CNTNAP2: variants seen among roughly 807,000 people sequenced by gnomAD.
CNTNAP2 encodes the protein contactin associated protein 2, also known as contactin-associated protein-like 2.
A neutral mutation model predicts 155.2 loss-of-function variants in CNTNAP2; 98 were observed. That is an observed-to-expected ratio of 0.63 (90% CI 0.54 to 0.75). The LOEUF is 0.75. Among genes scored for constraint, CNTNAP2 ranks in the 30% least tolerant of loss-of-function variants. The probability of loss-of-function intolerance (pLI) is 0.00; values close to 1 mark genes in which losing one functional copy is unlikely to be tolerated. For synonymous variants in CNTNAP2, 651 were observed against 631.2 expected (o/e 1.03, Z -0.47); for missense variants, 1,727 against 1,688.1 (o/e 1.02, Z -0.40).
chr7:146,638,798 C>T (rs891212164), intron 1 of CNTNAP2, among the ~76,000 whole-genome samples: 6 of 151,880 alleles, frequency 4.0e-5, no homozygotes, highest in Admixed American at 3.3e-4. Context: ...TGTTTCTTAA[C>T]GATGGGAATG....
intron 4 of CNTNAP2, among the ~76,000 whole-genome samples, chr7:147,106,215 A>G (rs1433721461): frequency 7.9e-5 from 12 of 152,142 alleles, no homozygotes; most frequent in Non-Finnish European, 1.8e-4. Flanking sequence ...ACTGATAGGA[A>G]ATTGACTGCA....
At chr7:148,326,723 G>T (rs1200683399) in intron 21 of CNTNAP2, among the ~76,000 whole-genome samples, 1 of 152,038 alleles carries the variant, frequency 6.6e-6, no homozygotes, top group East Asian at 1.9e-4. Flanking sequence ...AAATTAGCCG[G>T]GCATGGTGGT....
chr7:147,881,307 G>A (rs111434640), intron 13 of CNTNAP2, among the ~76,000 whole-genome samples: 2,814 of 152,280 alleles, frequency 0.018, 78 homozygotes, highest in African/African-American at 0.061. Flanking sequence ...GAGTTCACAG[G>A]AGGGAGAGAG....
At chr7:147,427,136 C>T (rs1003136421) in intron 10 of CNTNAP2, among the ~76,000 whole-genome samples, 1 of 152,066 alleles carries the variant, frequency 6.6e-6, no homozygotes, top group Non-Finnish European at 1.5e-5. Context: ...ATGCAGTCTC[C>T]TCACATGGTG....
At position 146,998,350 on chromosome 7, in the gene CNTNAP2, CT is replaced by C. The variant is rs550747714; in HGVS notation, c.403-45556del. ...ATTTGGGAATTTTCCAACGTTCCCC[CT>C]GTTATTGATTTCTAGTTTTATGTCA... On this transcript the variant is annotated intron_variant, in intron 3 of 23. Coordinates refer to ENST00000361727, the MANE Select transcript of CNTNAP2 (RefSeq NM_014141.6). 7.9e-5 allele frequency among the ~76,000 whole-genome samples: 12 copies of C among 152,028 alleles called. No homozygotes were observed. In the South Asian group the frequency reaches 1.9e-3, roughly 24 times the overall value.
intron 15 of CNTNAP2, among the ~76,000 whole-genome samples, chr7:147,988,461 C>T (rs539938382): frequency 2.6e-5 from 4 of 152,194 alleles, no homozygotes; most frequent in African/African-American, 9.6e-5. Flanking sequence ...TCTTCCTTGT[C>T]TCATAATGTT....
chr7:146,293,011 C>G (rs1240284061), intron 1 of CNTNAP2, among the ~76,000 whole-genome samples: 2 of 151,928 alleles, frequency 1.3e-5, no homozygotes, highest in Non-Finnish European at 2.9e-5. Flanking sequence ...GTTCTCACCA[C>G]AAAATATGGT....
At chr7:146,717,090 T>C (rs924666591) in intron 1 of CNTNAP2, among the ~76,000 whole-genome samples, 3 of 152,090 alleles carry the variant, frequency 2.0e-5, no homozygotes, top group Non-Finnish European at 4.4e-5. Context: ...CCTGAGTGGA[T>C]TTCCTTAAGA....
At chr7:147,772,446 CTATATATATATATATA>C (rs58027241) in intron 13 of CNTNAP2, among the ~76,000 whole-genome samples, 1,182 of 63,732 alleles carry the variant, frequency 0.019, 28 homozygotes, top group Non-Finnish European at 0.024. Flanking sequence ...CTCTCTCTCG[CTATATATATATATATA>C]TATATATATA....
intron 11 of CNTNAP2, among the ~76,000 whole-genome samples, chr7:147,502,445 G>A (rs914121595): frequency 2.6e-5 from 4 of 152,040 alleles, no homozygotes; most frequent in Non-Finnish European, 5.9e-5. Flanking sequence ...AAAATGAAAT[G>A]TCAAACTCAC....
intron 1 of CNTNAP2, among the ~76,000 whole-genome samples, chr7:146,238,511 AC>A: frequency 6.6e-6 from 1 of 152,332 alleles, no homozygotes; most frequent in Admixed American, 6.5e-5. Flanking sequence ...ATGGTGAGGC[AC>A]AAAAAAGCTG....
chr7:146,850,023 G>T (rs1243079957), intron 3 of CNTNAP2, among the ~76,000 whole-genome samples: 1 of 152,150 alleles, frequency 6.6e-6, no homozygotes, highest in Non-Finnish European at 1.5e-5. Context: ...TTTAGTCAGT[G>T]TTGACTTTGG....
At chr7:147,537,653 G>A (rs1562986482) in intron 11 of CNTNAP2, among the ~76,000 whole-genome samples, 2 of 152,032 alleles carry the variant, frequency 1.3e-5, no homozygotes, top group Non-Finnish European at 2.9e-5. Context: ...ATTACAGGGT[G>A]ATAATCTAGA....
intron 1 of CNTNAP2, among the ~76,000 whole-genome samples, chr7:146,616,421 C>A (rs898357684): frequency 6.6e-6 from 1 of 152,072 alleles, no homozygotes; most frequent in Non-Finnish European, 1.5e-5. Context: ...GTGAAATTTG[C>A]AGTGAGGATG....
At chr7:146,321,229 A>C (rs138528885) in intron 1 of CNTNAP2, among the ~76,000 whole-genome samples, 1 of 152,324 alleles carries the variant, frequency 6.6e-6, no homozygotes, top group Non-Finnish European at 1.5e-5. Context: ...CAAGTTATCA[A>C]GTACTTAAAT....
intron 8 of CNTNAP2, among the ~76,000 whole-genome samples, chr7:147,289,420 G>C (rs376513848): frequency 6.6e-6 from 1 of 151,456 alleles, no homozygotes; most frequent in African/African-American, 2.4e-5. Context: ...AAAAACAGGA[G>C]AGACAATTGG....
chr7:146,142,669 T>C (rs1285296572), intron 1 of CNTNAP2, among the ~76,000 whole-genome samples: 3 of 152,218 alleles, frequency 2.0e-5, no homozygotes, highest in African/African-American at 7.2e-5. Context: ...GATTACGATC[T>C]ATGTAAACTT....
At chr7:148,125,488 T>G (rs1166443890) in intron 16 of CNTNAP2, among the ~76,000 whole-genome samples, 4 of 152,122 alleles carry the variant, frequency 2.6e-5, no homozygotes, top group African/African-American at 9.7e-5. Flanking sequence ...TATGCAATAT[T>G]TGGTTTTCTG....
At position 148,125,702 on chromosome 7, in the gene CNTNAP2, GT is replaced by G. The variant is rs1169497898; in HGVS notation, c.2554+7428del. Among the ~76,000 whole-genome samples the G allele has an allele frequency of 4.3e-3, 529 of 124,096 alleles. 5 individuals carry two copies. Among genetic ancestry groups the G allele is most frequent in the African/African-American group, 0.015 (455 of 30,852 alleles). 81.4% of individuals were successfully genotyped at this position (124,096 alleles called of 152,430 possible). A position where few individuals can be genotyped will look rare whatever the true frequency, so the allele number is the denominator to read the frequency against. On this transcript the variant is annotated intron_variant, in intron 16 of 23. Coordinates refer to ENST00000361727, the MANE Select transcript of CNTNAP2 (RefSeq NM_014141.6). The stretch of plus-strand genomic sequence containing the variant: ...GTGTGTGTGTGTGTATATATATATA[GT>G]TTTTTTTTTTTTTGGACAGATTCTC...
Sources: gnomAD v4.1 joint callset for allele counts (sites outside exome capture counted in the v4.1 genomes callset) on GRCh38, gnomAD v4.1.1 for gene constraint, MANE v1.5 for transcripts, NCBI Gene and HGNC (gene_info 2026-07-23, HGNC 2026-07-21) for gene names.